The following AGMO variants were observed in gnomAD, a reference collection of about 807,000 sequenced individuals.
AGMO encodes alkylglycerol monooxygenase.
A neutral mutation model predicts 60.2 loss-of-function variants in AGMO; 75 were observed. That is an observed-to-expected ratio of 1.25 (90% CI 1.03 to 1.51). The LOEUF (loss-of-function observed/expected upper bound fraction) is 1.51, where lower values mean the gene tolerates loss of function less well. Ranked by LOEUF, AGMO falls within the 40% of genes most tolerant of loss-of-function variation. The pLI is 0.00. For synonymous variants in AGMO, 261 were observed against 177.1 expected (o/e 1.47, Z -3.76); for missense variants, 763 against 525.5 (o/e 1.45, Z -4.42).
the AGMO span, among the ~76,000 whole-genome samples, chr7:15,141,323 T>A: frequency 5.9e-5 from 9 of 152,128 alleles, no homozygotes; most frequent in African/African-American, 2.2e-4. Context: ...GTGGCTCACG[T>A]CTGTAATCCC....
chr7:15,240,016 A>G (rs1364598031), intron 12 of AGMO, among the ~76,000 whole-genome samples: 3 of 152,166 alleles, frequency 2.0e-5, no homozygotes, highest in African/African-American at 7.2e-5. Flanking sequence ...TTATGAAACA[A>G]CAACTTCTGC....
chr7:15,180,818 A>C, the AGMO span, among the ~76,000 whole-genome samples: 1 of 152,182 alleles, frequency 6.6e-6, no homozygotes, highest in African/African-American at 2.4e-5. Context: ...CAGACTGGGT[A>C]ATTTATAAAG....
chr7:15,306,031 A>C (rs943769614), intron 12 of AGMO, among the ~76,000 whole-genome samples: 3 of 152,000 alleles, frequency 2.0e-5, no homozygotes, highest in Admixed American at 6.6e-5. Flanking sequence ...CATAAATTTT[A>C]TGGTAACTAT....
intron 10 of AGMO, among the ~76,000 whole-genome samples, chr7:15,369,997 T>C (rs994434036): frequency 5.3e-5 from 8 of 152,160 alleles, no homozygotes; most frequent in African/African-American, 1.7e-4. Context: ...GAGATAGGAA[T>C]GATCCTATCA....
chr7:15,390,451 A>C lies in AGMO; in HGVS notation c.822+220T>G, dbSNP rs72593954. Among the ~76,000 whole-genome samples, 313 of 152,354 alleles carry C rather than the reference A, an allele frequency of 2.1e-3. 9 individuals carry two copies. The East Asian group carries it at 0.053, about 26-fold the overall frequency. On this transcript the variant is annotated intron_variant, in intron 8 of 12. Coordinates refer to ENST00000342526, the MANE Select transcript of AGMO (RefSeq NM_001004320.2). ...GCCACTTTATTTTTCATTCTAGGCCATAGACATATTTGAAAATTACTTGTT... is the reference window on the plus strand; with the variant it reads ...GCCACTTTATTTTTCATTCTAGGCCCTAGACATATTTGAAAATTACTTGTT...
At chr7:15,519,488 G>T (rs1783920603) in intron 3 of AGMO, among the ~76,000 whole-genome samples, 2 of 152,174 alleles carry the variant, frequency 1.3e-5, no homozygotes, top group African/African-American at 4.8e-5. Context: ...CCAGAAGAGA[G>T]TGAGGGCCAA....
intron 12 of AGMO, among the ~76,000 whole-genome samples, chr7:15,360,292 T>G: frequency 6.6e-6 from 1 of 152,246 alleles, no homozygotes; most frequent in African/African-American, 2.4e-5. Flanking sequence ...ATAAGTACAC[T>G]CGACCCTTGA....
chr7:15,252,393 T>C (rs1782965835), intron 12 of AGMO, among the ~76,000 whole-genome samples: 1 of 152,202 alleles, frequency 6.6e-6, no homozygotes, highest in Admixed American at 6.5e-5. Flanking sequence ...TTATAACAAA[T>C]GGAATATGGC....
chr7:15,316,837 C>T (rs1780941254), intron 12 of AGMO, among the ~76,000 whole-genome samples: 3 of 152,226 alleles, frequency 2.0e-5, no homozygotes, highest in Middle Eastern at 6.8e-3. Flanking sequence ...AAATAACATA[C>T]ATTTAAATTA....
intron 3 of AGMO, among the ~76,000 whole-genome samples, chr7:15,530,450 CGT>C (rs1784276253): frequency 1.0e-5 from 1 of 97,718 alleles, no homozygotes; most frequent in Non-Finnish European, 2.0e-5. Flanking sequence ...ATTCTATATA[CGT>C]ATTTCTATAT....
At chr7:15,557,659 C>CA (rs1051168147) in intron 2 of AGMO, among the ~76,000 whole-genome samples, 2 of 150,952 alleles carry the variant, frequency 1.3e-5, no homozygotes, top group African/African-American at 4.9e-5. Context: ...TATAACAAAA[C>CA]AAAAAAATGC....
At chr7:15,242,934 C>CT (rs1194861604) in intron 12 of AGMO, among the ~76,000 whole-genome samples, 1 of 151,810 alleles carries the variant, frequency 6.6e-6, no homozygotes, top group African/African-American at 2.4e-5. Context: ...GTTCATTAAT[C>CT]TAAGATGTGG....
chr7:15,266,993 C>T lies in AGMO; in HGVS notation c.1264-65634G>A, dbSNP rs565332627. Among the ~76,000 whole-genome samples the T allele has an allele frequency of 3.8e-3, 575 of 151,950 alleles. 4 individuals are homozygous for T. Among genetic ancestry groups the T allele is most frequent in the African/African-American group, 0.013 (550 of 41,464 alleles). ...TGATAATAAATTCCTTTACTTTTGC[C>T]AAAATGGCCACTTAGTGGAAGAGAG... On this transcript the variant is annotated intron_variant, in intron 12 of 12. Coordinates refer to ENST00000342526, the MANE Select transcript of AGMO (RefSeq NM_001004320.2).
chr7:15,129,788 T>C, the AGMO span, among the ~76,000 whole-genome samples: 2 of 152,170 alleles, frequency 1.3e-5, no homozygotes, highest in Non-Finnish European at 2.9e-5. Context: ...AGTTCTGTTC[T>C]GGTATGACAA....
chr7:15,542,989 C>A (rs1291875272), intron 3 of AGMO, among the ~76,000 whole-genome samples: 1 of 152,146 alleles, frequency 6.6e-6, no homozygotes, highest in African/African-American at 2.4e-5. Context: ...GAGCATAACA[C>A]AAATCCATGC....
intron 12 of AGMO, among the ~76,000 whole-genome samples, chr7:15,305,202 AG>A (rs1780576145): frequency 6.6e-6 from 1 of 150,914 alleles, no homozygotes; most frequent in South Asian, 2.1e-4. Context: ...GAGGGCAGGC[AG>A]GGGCAAGGAC....
At chr7:15,173,595 C>T in the AGMO span, among the ~76,000 whole-genome samples, 4 of 151,812 alleles carry the variant, frequency 2.6e-5, no homozygotes, top group South Asian at 2.1e-4. Flanking sequence ...TAAAAAACTA[C>T]AAATGAAATA....
intron 3 of AGMO, among the ~76,000 whole-genome samples, chr7:15,485,867 C>A (rs75825093): frequency 6.6e-6 from 1 of 151,862 alleles, no homozygotes; most frequent in East Asian, 1.9e-4. Flanking sequence ...TTCAAATTGA[C>A]CTTATTTGGG....
the AGMO span, among the ~76,000 whole-genome samples, chr7:15,192,543 A>G: frequency 2.0e-5 from 3 of 151,990 alleles, no homozygotes; most frequent in Admixed American, 2.0e-4. Flanking sequence ...TGCATTCACC[A>G]TCCTTCAAGT....
Sources: allele counts gnomAD v4.1 joint callset (sites outside exome capture counted in the v4.1 genomes callset), GRCh38; gene constraint gnomAD v4.1.1; transcripts MANE v1.5; gene names NCBI Gene and HGNC (gene_info 2026-07-23, HGNC 2026-07-21).